Variants in ADAMTS2 observed in about 807,000 individuals in gnomAD.
The protein encoded by ADAMTS2 is ADAM metallopeptidase with thrombospondin type 1 motif 2.
Under a neutral mutation model 123.0 loss-of-function variants are expected in ADAMTS2, and 50 were observed. The ratio of observed to expected loss-of-function variants is 0.41; its 90% CI spans 0.32 to 0.51. The LOEUF is 0.51. Ranked by LOEUF, ADAMTS2 falls within the 20% of genes least tolerant of loss-of-function variation. ADAMTS2 has a pLI of 0.35. For missense variants in ADAMTS2, 1,494 were observed against 1,705.2 expected (o/e 0.88, Z 2.18); for synonymous variants, 678 against 695.4 (o/e 0.98, Z 0.39).
intron 2 of ADAMTS2, among the ~76,000 whole-genome samples, chr5:179,300,401 A>G (rs1053016214): frequency 6.6e-6 from 1 of 152,232 alleles, no homozygotes; most frequent in African/African-American, 2.4e-5. Context: ...TTCAAAAGTA[A>G]TTTTTAATTG....
At chr5:179,194,493 C>G (rs1010482355) in intron 4 of ADAMTS2, among the ~76,000 whole-genome samples, 1 of 152,210 alleles carries the variant, frequency 6.6e-6, no homozygotes, top group Non-Finnish European at 1.5e-5. Context: ...AGAGGCAGAG[C>G]GGATGGCCTG....
chr5:179,213,161 C>T (rs958053301), intron 3 of ADAMTS2, among the ~76,000 whole-genome samples: 13 of 152,132 alleles, frequency 8.5e-5, no homozygotes, highest in African/African-American at 2.9e-4. Context: ...GACTGCTGTC[C>T]CCTCTCCATG....
At chr5:179,207,838 C>T (rs2113375158) in intron 3 of ADAMTS2, 123 bp from the exon 4 acceptor site, 2 of 874,996 alleles carry the variant, frequency 2.3e-6, no homozygotes, top group Non-Finnish European at 3.7e-6. Flanking sequence ...GGGTATTATT[C>T]CATTTTACAG....
intron 4 of ADAMTS2, among the ~76,000 whole-genome samples, chr5:179,206,855 T>C (rs1423874683): frequency 1.3e-5 from 2 of 152,140 alleles, no homozygotes; most frequent in Non-Finnish European, 2.9e-5. Flanking sequence ...CTCTTAGTGT[T>C]AGGCAGACCA....
At chr5:179,243,150 GAA>G (rs34678289) in intron 3 of ADAMTS2, among the ~76,000 whole-genome samples, 38,852 of 143,810 alleles carry the variant, frequency 0.27, 6,007 homozygotes, top group Non-Finnish European at 0.35. Context: ...TTATTTACTG[GAA>G]AAAAAAAAAA....
At chr5:179,196,661 T>C (rs1194490900) in intron 4 of ADAMTS2, among the ~76,000 whole-genome samples, 1 of 152,232 alleles carries the variant, frequency 6.6e-6, no homozygotes, top group Non-Finnish European at 1.5e-5. Flanking sequence ...CGTGCACTGA[T>C]GTAGTGAAAG....
intron 10 of ADAMTS2, among the ~76,000 whole-genome samples, chr5:179,147,085 T>C (rs999915666): frequency 2.0e-5 from 3 of 152,222 alleles, no homozygotes; most frequent in African/African-American, 7.2e-5. Context: ...TATTTATTTA[T>C]GTTTTATTTA....
chr5:179,223,643 CACAT>C (rs371550521), intron 3 of ADAMTS2, among the ~76,000 whole-genome samples: 4,106 of 92,576 alleles, frequency 0.044, 139 homozygotes, highest in African/African-American at 0.11. Flanking sequence ...AATGCACACA[CACAT>C]ACACTCACAG....
Position 179,181,268 on chromosome 5 carries a change from G to T in ADAMTS2, c.892-113C>A. Reference sequence around the variant, plus strand: ...TCTTCTTCCCATGCTTTCCACCCAGGCGTCACCATCAACTAGGAGCCACCT... The same window carrying T: ...TCTTCTTCCCATGCTTTCCACCCAGTCGTCACCATCAACTAGGAGCCACCT... On this transcript the variant is annotated intron_variant, in intron 4 of 21. Coordinates refer to ENST00000251582, the MANE Select transcript of ADAMTS2 (RefSeq NM_014244.5). This position sits in a 1 kb window ranked among gnomAD's most constrained non-coding sequence, Gnocchi z 4.1. 1.2e-6 allele frequency: 1 copy of T among 806,252 alleles called. No individual in the cohort carries two copies. Among genetic ancestry groups the T allele is most frequent in the Non-Finnish European group, 2.1e-6 (1 of 469,858 alleles). 49.9% of individuals were successfully genotyped at this position (806,252 alleles called of 1,614,324 possible).
At chr5:179,149,217 G>C (rs1443457157) in intron 10 of ADAMTS2, among the ~76,000 whole-genome samples, 3 of 152,088 alleles carry the variant, frequency 2.0e-5, no homozygotes, top group Non-Finnish European at 2.9e-5. Context: ...CTCATGAGTG[G>C]GACTGATGTC....
At chr5:179,143,224 A>T (rs562803858) in intron 10 of ADAMTS2, among the ~76,000 whole-genome samples, 1 of 152,296 alleles carries the variant, frequency 6.6e-6, no homozygotes, top group East Asian at 1.9e-4. Context: ...ACCTGAGGTC[A>T]GGAGTTCTGG....
chr5:179,301,962 T>C (rs2113560879), intron 2 of ADAMTS2, among the ~76,000 whole-genome samples: 1 of 152,258 alleles, frequency 6.6e-6, no homozygotes, highest in Non-Finnish European at 1.5e-5. Flanking sequence ...CCTGCACACC[T>C]CGCCCCTGGG....
intron 3 of ADAMTS2, among the ~76,000 whole-genome samples, chr5:179,226,191 C>A (rs1212080665): frequency 6.6e-6 from 1 of 151,154 alleles, no homozygotes; most frequent in African/African-American, 2.4e-5. Context: ...CTTTTCTTTT[C>A]TTCTTTATCT....
chr5:179,186,853 C>A (rs1764184648), intron 4 of ADAMTS2, among the ~76,000 whole-genome samples: 1 of 145,878 alleles, frequency 6.9e-6, no homozygotes, highest in Non-Finnish European at 1.5e-5. Flanking sequence ...CCCCCACCCA[C>A]ACACACCATT....
rs964806549 is a variant in ADAMTS2 at position 179,129,635 on chromosome 5, C to T, written c.2457+297G>A. ...ACCGATTCCAATGTAACAGCACACT[C>T]GAACGAGCATGCTGATGGCAGCTGT... On this transcript the variant is annotated intron_variant, in intron 16 of 21. Coordinates refer to ENST00000251582, the MANE Select transcript of ADAMTS2 (RefSeq NM_014244.5). This position sits in a 1 kb window ranked among gnomAD's most constrained non-coding sequence, Gnocchi z 4.1. Among the ~76,000 whole-genome samples, 3 of 152,128 alleles carry T rather than the reference C, an allele frequency of 2.0e-5. No homozygotes were observed. Among genetic ancestry groups the T allele is most frequent in the Admixed American group, 6.5e-5 (1 of 15,272 alleles).
chr5:179,293,151 G>A (rs564979006), intron 2 of ADAMTS2, among the ~76,000 whole-genome samples: 2 of 152,334 alleles, frequency 1.3e-5, no homozygotes, highest in African/African-American at 4.8e-5. Flanking sequence ...GGGGAAGACA[G>A]TCTGACCCCA....
chr5:179,282,435 G>C (rs1273634961), intron 2 of ADAMTS2, among the ~76,000 whole-genome samples: 2 of 152,182 alleles, frequency 1.3e-5, no homozygotes. Context: ...CCTTTGTCAA[G>C]AATCAATATG....
In ADAMTS2 at chr5:179,344,007, G is replaced by C. The variant is rs778807409; in HGVS notation, c.294C>G (p.Pro98=). 1 of 1,612,678 alleles carries C rather than the reference G, an allele frequency of 6.2e-7. No individual in the cohort carries two copies. The highest frequency in any genetic ancestry group is 2.2e-5 in the East Asian group (1 of 44,868). Residue 98 remains proline (P), a synonymous_variant, in exon 2 of 22, where the codon CCC becomes CCG. Coordinates refer to ENST00000251582, the MANE Select transcript of ADAMTS2 (RefSeq NM_014244.5). ...RAAPVRTPSF[P]GGNEEEPGSH... is the part of the protein sequence containing the mutation. The stretch of plus-strand genomic sequence containing the variant: ...TGCCAGGCTCCTCCTCGTTGCCTCC[G>C]GGGAAGCTCGGGGTCCGGACCGGGG...
chr5:179,327,542 GA>G (rs1485689635), intron 2 of ADAMTS2, among the ~76,000 whole-genome samples: 1 of 152,220 alleles, frequency 6.6e-6, no homozygotes, highest in African/African-American at 2.4e-5. Flanking sequence ...GACTGAAAGG[GA>G]AGGTCAACCG....
Sources: allele counts gnomAD v4.1 joint callset (sites outside exome capture counted in the v4.1 genomes callset), GRCh38; gene constraint gnomAD v4.1.1; non-coding constraint Gnocchi (gnomAD v3.1); transcripts MANE v1.5; gene names NCBI Gene and HGNC (gene_info 2026-07-23, HGNC 2026-07-21).